The following MRPS21 variants were observed in gnomAD, a reference collection of about 807,000 sequenced individuals.
The protein encoded by MRPS21 is mitochondrial ribosomal protein S21, also known as small ribosomal subunit protein bS21m.
MRPS21 carries 8 observed loss-of-function variants against 9.9 expected under a neutral mutation model. That is an observed-to-expected ratio of 0.81 (90% CI 0.47 to 1.45). The LOEUF is 1.45. Ranked by LOEUF, MRPS21 falls within the 40% of genes most tolerant of loss-of-function variation. MRPS21 has a pLI of 0.00. For synonymous variants in MRPS21, 40 were observed against 40.3 expected, an observed-to-expected ratio of 0.99 and a Z score of 0.03; for missense variants, 101 against 118.9, an observed-to-expected ratio of 0.85 and a Z score of 0.70.
intron 2 of MRPS21, among the ~76,000 whole-genome samples, chr1:150,299,951 G>A (rs1432180086): frequency 6.6e-6 from 1 of 152,162 alleles, no homozygotes; most frequent in Non-Finnish European, 1.5e-5. Context: ...GGCCCAATCT[G>A]AGATGAATCA....
intron 2 of MRPS21, among the ~76,000 whole-genome samples, chr1:150,295,362 G>A (rs1653877887): frequency 6.6e-6 from 1 of 152,116 alleles, no homozygotes; most frequent in Middle Eastern, 3.2e-3. Flanking sequence ...TCAGTCTCCT[G>A]ACTAGCTGGG....
At chr1:150,301,293 C>T in intron 2 of MRPS21, 1 of 261,074 alleles carries the variant, frequency 3.8e-6, no homozygotes, top group Non-Finnish European at 7.8e-6. Flanking sequence ...CAAGATGGCG[C>T]CATTGCACTC....
At chr1:150,301,624 C>T (rs1168659478) in intron 2 of MRPS21, among the ~76,000 whole-genome samples, 1 of 148,194 alleles carries the variant, frequency 6.7e-6, no homozygotes, top group Non-Finnish European at 1.5e-5. Flanking sequence ...TTTTTCCTTT[C>T]TTTTTTTTTT....
chr1:150,298,368 T>A (rs1414934942), intron 2 of MRPS21, among the ~76,000 whole-genome samples: 2 of 152,198 alleles, frequency 1.3e-5, no homozygotes, highest in African/African-American at 4.8e-5. Context: ...TAAATCTTCT[T>A]CTGTATGATT....
intron 2 of MRPS21, 30 bp from the exon 3 acceptor site, chr1:150,308,018 T>A (rs1419858964): frequency 1.6e-5 from 25 of 1,529,974 alleles, no homozygotes; most frequent in Non-Finnish European, 2.2e-5. Flanking sequence ...TGATCCCAAA[T>A]GTCTAACCTC....
intron 2 of MRPS21, among the ~76,000 whole-genome samples, chr1:150,307,348 C>CTTTTTTTTTTTTTTTTTTT (rs1572154026): frequency 2.3e-5 from 2 of 87,552 alleles, no homozygotes. Flanking sequence ...GTGCCCAGTC[C>CTTTTTTTTTTTTTTTTTTT]TTTTTTTTTT....
At chr1:150,301,954 T>C (rs1294759341) in intron 2 of MRPS21, among the ~76,000 whole-genome samples, 1 of 152,212 alleles carries the variant, frequency 6.6e-6, no homozygotes, top group Non-Finnish European at 1.5e-5. Flanking sequence ...AGCAGACTGA[T>C]TTTGGAGTGA....
chr1:150,306,452 G>T (rs2101912292), intron 2 of MRPS21, among the ~76,000 whole-genome samples: 1 of 151,786 alleles, frequency 6.6e-6, no homozygotes, highest in South Asian at 2.1e-4. Context: ...TTTTAGTAGA[G>T]GTGGGGTTTC....
chr1:150,303,818 T>C, intron 2 of MRPS21: 1 of 448,036 alleles, frequency 2.2e-6, no homozygotes, highest in African/African-American at 2.0e-5. Flanking sequence ...AATAACTGTA[T>C]ATATTGTAAG....
At chr1:150,298,812 G>T (rs1310905409) in intron 2 of MRPS21, among the ~76,000 whole-genome samples, 2 of 152,048 alleles carry the variant, frequency 1.3e-5, no homozygotes, top group African/African-American at 4.8e-5. Flanking sequence ...ATGTTAGCCA[G>T]AATGGTCTCG....
At chr1:150,307,763 A>G (rs969149174) in intron 2 of MRPS21, among the ~76,000 whole-genome samples, 2 of 152,018 alleles carry the variant, frequency 1.3e-5, no homozygotes, top group Non-Finnish European at 2.9e-5. Context: ...TATTTTTTGT[A>G]GAAACAGGGT....
rs1373560633 is a variant in MRPS21, at chr1:150,294,438, G to A, written c.72G>A (p.Arg24=). The A allele has an allele frequency of 1.2e-6, 2 of 1,612,842 alleles. No individual in the cohort carries two copies. The highest frequency in any genetic ancestry group is 1.7e-6 in the Non-Finnish European group (2 of 1,178,984). Residue 24 remains arginine (R), a synonymous_variant, in exon 2 of 3, where the codon AGG becomes AGA. Coordinates refer to ENST00000614145, the MANE Select transcript of MRPS21 (RefSeq NM_031901.6). ...AAGGGAACGTGGAAAGCGCATACAG[G>A]ACCCTAAACAGGTAACTGTTAAGGG... The part of the protein sequence containing the change: ...VQEGNVESAY[R]TLNRILTMDG...
intron 2 of MRPS21, chr1:150,304,272 C>CT (rs1560065938): frequency 8.5e-6 from 2 of 234,708 alleles, no homozygotes; most frequent in African/African-American, 2.3e-5. Context: ...GATGGTGACA[C>CT]TGCACTCCAG....
At chr1:150,305,705 C>T (rs1366369824) in intron 2 of MRPS21, among the ~76,000 whole-genome samples, 1 of 152,114 alleles carries the variant, frequency 6.6e-6, no homozygotes, top group Non-Finnish European at 1.5e-5. Flanking sequence ...AGCTATTCTC[C>T]TGCCTCCGCT....
chr1:150,297,029 C>T (rs1776274), intron 2 of MRPS21, among the ~76,000 whole-genome samples: 106,893 of 151,996 alleles, frequency 0.7, 38,946 homozygotes, highest in African/African-American at 0.9. Context: ...CGGTGGCTCA[C>T]GCCTGTAATC....
intron 2 of MRPS21, among the ~76,000 whole-genome samples, chr1:150,306,556 C>A (rs189524293): frequency 6.6e-6 from 1 of 151,714 alleles, no homozygotes; most frequent in African/African-American, 2.4e-5. Context: ...AGTGCAGTGG[C>A]GCAACCTTGG....
chr1:150,304,889 A>G lies in MRPS21; in HGVS notation c.84-3159A>G, dbSNP rs1654272882. The G allele has an allele frequency of 1.5e-5, 4 of 272,132 alleles. No homozygotes were observed. In the Admixed American group the frequency reaches 2.1e-4, roughly 14 times the overall value. The allele number at this position is 272,132 out of a possible 1,614,324, so 16.9% of individuals were successfully genotyped here. On this transcript the variant is annotated intron_variant, in intron 2 of 2. Transcript: ENST00000614145. ...AACATGGCGAAACCTTATGTCTACTAAAAATAACAAAAATTAGCTGGTGCT... is the reference window on the plus strand; with the variant it reads ...AACATGGCGAAACCTTATGTCTACTGAAAATAACAAAAATTAGCTGGTGCT...
Position 150,308,195 on chromosome 1 carries a change from A to G in MRPS21, c.231A>G (p.Arg77=), listed in dbSNP as rs782733586. 1 of 1,604,172 alleles carries G rather than the reference A, an allele frequency of 6.2e-7. No individual in the cohort carries two copies. The highest frequency in any genetic ancestry group is 1.1e-5 in the South Asian group (1 of 90,842). ...EMARKINFLM[R]KNRADPWQGC is the part of the protein sequence containing the mutation. ...CTCGCAAGATCAACTTCTTGATGCG[A>G]AAGAATCGGGCAGATCCGTGGCAGG... The change falls in exon 3 of 3, where the codon CGA becomes CGG. Residue 77 remains arginine, a synonymous_variant. Transcript: ENST00000614145.
intron 2 of MRPS21, chr1:150,305,044 GAA>G (rs1360441140): frequency 2.6e-6 from 1 of 381,756 alleles, no homozygotes; most frequent in Non-Finnish European, 5.2e-6. Flanking sequence ...CGTCTCAAAA[GAA>G]AGAAAGAAAT....
Sources: allele counts gnomAD v4.1 joint callset (sites outside exome capture counted in the v4.1 genomes callset), GRCh38; gene constraint gnomAD v4.1.1; transcripts MANE v1.5; gene names NCBI Gene and HGNC (gene_info 2026-07-23, HGNC 2026-07-21).